HTRA4: variants seen among roughly 807,000 people sequenced by gnomAD.
HTRA4 encodes HtrA serine peptidase 4.
HTRA4 carries 46 observed loss-of-function variants against 49.1 expected under a neutral mutation model. The ratio of observed to expected loss-of-function variants is 0.94; its 90% confidence interval spans 0.74 to 1.20. The LOEUF (loss-of-function observed/expected upper bound fraction) is 1.20. HTRA4 is among the 50% of genes most tolerant of loss of function. The pLI, the probability that HTRA4 is intolerant of heterozygous loss-of-function variation, is 0.00. For missense variants in HTRA4, 602 were observed against 636.9 expected (o/e 0.95, Z 0.59); for synonymous variants, 261 against 264.0 (o/e 0.99, Z 0.11).
chr8:38,981,564 C>A, intron 5 of HTRA4, 89 bp from the exon 6 acceptor site: 1 of 851,036 alleles, frequency 1.2e-6, no homozygotes, highest in Non-Finnish European at 2.0e-6. Context: ...CCCTAAGTAA[C>A]TAGCTTCACT....
At chr8:38,980,476 C>T (rs1835404751) in intron 5 of HTRA4, among the ~76,000 whole-genome samples, 3 of 151,752 alleles carry the variant, frequency 2.0e-5, no homozygotes, top group African/African-American at 7.3e-5. Flanking sequence ...TCCTGTAATC[C>T]CAGCACTTTG....
chr8:38,974,303 T>TGA lies in HTRA4; in HGVS notation c.41_42insAG (p.Cys14Ter), dbSNP rs1213154406. Residue 14 changes from cysteine to a stop codon, truncating the protein, a stop_gained and frameshift_variant, in exon 1 of 9, where the codon TGC (cysteine) becomes TGAGC (stop). Transcript: ENST00000302495. LOFTEE classifies it high-confidence loss of function. ...PQLRTAGLGRCLLPGLLLLLV... is the reference protein window; with the variant it reads ...PQLRTAGLGR ...GCTGCGGACCGCGGGGCTGGGACGATGCCTCCTGCCGGGGCTGCTGCTGCT... is the reference window on the plus strand; with the variant it reads ...GCTGCGGACCGCGGGGCTGGGACGATGAGCCTCCTGCCGGGGCTGCTGCTGCT... 1 of 1,612,502 alleles carries TGA rather than the reference T, an allele frequency of 6.2e-7. No homozygotes were observed. The highest frequency in any genetic ancestry group is 8.5e-7 in the Non-Finnish European group (1 of 1,179,586).
At position 38,987,977 on chromosome 8, in the gene HTRA4, G is replaced by A; in HGVS notation, c.1310G>A (p.Gly437Glu). 1 of 1,605,944 alleles carries A rather than the reference G, an allele frequency of 6.2e-7. No individual in the cohort carries two copies. Among genetic ancestry groups the A allele is most frequent in the Non-Finnish European group, 8.5e-7 (1 of 1,177,672 alleles). The change falls in exon 9 of 9, where the codon GGG becomes GAG. Residue 437 changes from glycine to glutamate, a missense_variant. Transcript: ENST00000302495. ...CACGATGTAATTGTCAACATAAATG[G>A]GAAACCTATTACTACTACAACTGAT... ...RDHDVIVNIN[G>E]KPITTTTDVV...
rs957388518 is a variant in HTRA4, at chr8:38,974,741, G to A, written c.466+12G>A. The stretch of plus-strand genomic sequence containing the variant: ...CTGCGGGGATACAGGTGAGCCGCGG[G>A]GGCGCGCGCCCTCGGAACACTTTCT... On this transcript the variant is annotated intron_variant, in intron 1 of 8. Coordinates refer to ENST00000302495, the MANE Select transcript of HTRA4 (RefSeq NM_153692.4). 2.0e-5 allele frequency: 28 copies of A among 1,418,008 alleles called. No homozygotes were observed. In the African/African-American group the frequency reaches 3.4e-4, roughly 17 times the overall value. The allele number at this position is 1,418,008 out of a possible 1,614,324, so 87.8% of individuals were successfully genotyped here.
chr8:38,978,856 A>G (rs564710152), intron 4 of HTRA4, among the ~76,000 whole-genome samples: 1 of 152,070 alleles, frequency 6.6e-6, no homozygotes, highest in Non-Finnish European at 1.5e-5. Flanking sequence ...TTAGCTGGGC[A>G]TGGTGGCGGG....
chr8:38,978,047 C>A lies in HTRA4; in HGVS notation c.866C>A (p.Thr289Lys). The A allele has an allele frequency of 6.2e-7, 1 of 1,614,090 alleles. No individual in the cohort carries two copies. The highest frequency in any genetic ancestry group is 8.5e-7 in the Non-Finnish European group (1 of 1,179,984). ...ALGSPFSLQN[T>K]ATAGIVSTKQ... ...GGCAGCCCATTTTCTCTGCAGAACA[C>A]AGCTACTGCAGGAATTGTCAGCACC... is the stretch of plus-strand genomic sequence containing the variant. Residue 289 changes from threonine (T) to lysine (K), a missense_variant, in exon 4 of 9, where the codon ACA (threonine) becomes AAA (lysine). Physicochemically the swap from Thr to Lys is moderately conservative, Grantham distance 78. Coordinates refer to ENST00000302495, the MANE Select transcript of HTRA4 (RefSeq NM_153692.4).
chr8:38,984,176 T>G (rs1454723787), intron 8 of HTRA4, among the ~76,000 whole-genome samples: 2 of 151,900 alleles, frequency 1.3e-5, no homozygotes, highest in Non-Finnish European at 2.9e-5. Flanking sequence ...AATTGTTGTA[T>G]TTTTAGTAGA....
In HTRA4 at chr8:38,975,034, C is replaced by T. The variant is rs1411019846; in HGVS notation, c.470C>T (p.Thr157Ile). Residue 157 changes from threonine to isoleucine, a missense_variant, in exon 2 of 9, where the codon ACC becomes ATC. By Grantham distance (89) the Thr-to-Ile change is moderately conservative. Transcript: ENST00000302495. ...VQWGNCGDTG[T>I]RSAGPLRRNY... The stretch of plus-strand genomic sequence containing the variant: ...TTGAGCCAGTATTTTTTCATAGGGA[C>T]CAGAAGCGCAGGCCCGCTCAGGAGG... 3 of 1,614,032 alleles carry T rather than the reference C, an allele frequency of 1.9e-6. No homozygotes were observed. Among genetic ancestry groups the T allele is most frequent in the Non-Finnish European group, 2.5e-6 (3 of 1,180,006 alleles).
intron 7 of HTRA4, 37 bp from the exon 8 acceptor site, chr8:38,982,916 C>A (rs769106946): frequency 7.0e-7 from 1 of 1,429,888 alleles, no homozygotes; most frequent in Non-Finnish European, 9.8e-7. Flanking sequence ...GCTCAGGAGA[C>A]TAATTCATTG....
intron 5 of HTRA4, 29 bp from the exon 6 acceptor site, chr8:38,981,624 T>C (rs371018578): frequency 4.5e-5 from 69 of 1,549,548 alleles, no homozygotes; most frequent in African/African-American, 8.2e-5. Context: ...CAAAACTTCA[T>C]GACTGAATGA....
At chr8:38,979,958 G>A (rs1004699003) in intron 5 of HTRA4, among the ~76,000 whole-genome samples, 8 of 152,188 alleles carry the variant, frequency 5.3e-5, no homozygotes, top group African/African-American at 1.9e-4. Flanking sequence ...CATCTGTCCA[G>A]GTTTTTAGTC....
In HTRA4 at chr8:38,988,655, G is replaced by T. The variant is rs566559649; in HGVS notation, c.*557G>T. On this transcript the variant is annotated 3_prime_UTR_variant, in exon 9 of 9. Coordinates refer to ENST00000302495, the MANE Select transcript of HTRA4 (RefSeq NM_153692.4). ...CAGAACTTAAAAATAAAAATAAAAAGAAAAATGGTAATGTTGTGAGATTAC... is the reference window on the plus strand; with the variant it reads ...CAGAACTTAAAAATAAAAATAAAAATAAAAATGGTAATGTTGTGAGATTAC... 13 of 151,706 alleles carry T rather than the reference G, an allele frequency of 8.6e-5. No homozygotes were observed. The highest frequency in any genetic ancestry group is 1.9e-4 in the African/African-American group (8 of 41,256). The allele number at this position is 151,706 out of a possible 1,614,324, so 9.4% of individuals were successfully genotyped here.
chr8:38,979,474 A>T (rs1238146465), intron 5 of HTRA4, among the ~76,000 whole-genome samples: 1 of 152,046 alleles, frequency 6.6e-6, no homozygotes, highest in Non-Finnish European at 1.5e-5. Context: ...CTTGGGTGCC[A>T]CTCTTGTGTA....
rs146242051 is a variant in HTRA4 at position 38,975,088 on chromosome 8, A to T, written c.524A>T (p.Glu175Val). The change falls in exon 2 of 9, where the codon GAG becomes GTG. Residue 175 changes from glutamate (E) to valine (V), a missense_variant. By Grantham distance (121) the Glu-to-Val change is moderately radical. Transcript: ENST00000302495. The stretch of plus-strand genomic sequence containing the variant: ...TACAACTTCATCGCCGCGGTGGTGG[A>T]GAAGGTGGCGCCATCGGTGGTTCAC... ...RNYNFIAAVV[E>V]KVAPSVVHVQ... The T allele has an allele frequency of 3.8e-4, 614 of 1,613,894 alleles. 4 individuals are homozygous for T. In the East Asian group the frequency reaches 0.013, roughly 34 times the overall value.
At position 38,987,488 on chromosome 8, in the gene HTRA4, G is replaced by A. The variant is rs539811349; in HGVS notation, c.1269-448G>A. On this transcript the variant is annotated intron_variant, in intron 8 of 8. Transcript: ENST00000302495. ...CTGGGGCGGGGGGGTGGGGTGGGGT[G>A]GGAAAGACAGGCAAGTGAGTGGGCT... 5.1e-4 allele frequency among the ~76,000 whole-genome samples: 77 copies of A among 151,304 alleles called. 1 individual carries two copies. Among genetic ancestry groups the A allele is most frequent in the African/African-American group, 1.8e-3 (75 of 41,136 alleles).
chr8:38,985,381 C>T (rs1835472069), intron 8 of HTRA4, among the ~76,000 whole-genome samples: 1 of 152,106 alleles, frequency 6.6e-6, no homozygotes, highest in Non-Finnish European at 1.5e-5. Context: ...GGATGGTATC[C>T]ATCTCTTGAC....
At chr8:38,978,207 G>A in intron 4 of HTRA4, 60 bp downstream of exon 4, 4 of 1,444,018 alleles carry the variant, frequency 2.8e-6, no homozygotes, top group African/African-American at 1.4e-5. Context: ...CAGGTCCATG[G>A]CCTGTTAGGA....
In HTRA4 at chr8:38,978,025, A is replaced by C. The variant is rs1442223235; in HGVS notation, c.844A>C (p.Ser282Arg). The change falls in exon 4 of 9, where the codon AGC (serine) becomes CGC (arginine). Residue 282 changes from serine (S) to arginine (R), a missense_variant. Physicochemically the swap from Ser to Arg is moderately radical, Grantham distance 110. Coordinates refer to ENST00000302495, the MANE Select transcript of HTRA4 (RefSeq NM_153692.4). ...TGGAGAGTTTGTGGTGGCTTTGGGC[A>C]GCCCATTTTCTCTGCAGAACACAGC... ...RAGEFVVALG[S>R]PFSLQNTATA... The C allele has an allele frequency of 6.2e-7, 1 of 1,614,060 alleles. No homozygotes were observed. The highest frequency in any genetic ancestry group is 2.2e-5 in the East Asian group (1 of 44,902).
At chr8:38,980,748 G>GAA (rs199849399) in intron 5 of HTRA4, among the ~76,000 whole-genome samples, 26 of 145,198 alleles carry the variant, frequency 1.8e-4, no homozygotes, top group East Asian at 4.0e-4. Flanking sequence ...AAAAAGAAAA[G>GAA]AAAAAAAAAA....
Sources: allele counts gnomAD v4.1 joint callset (sites outside exome capture counted in the v4.1 genomes callset), GRCh38; gene constraint gnomAD v4.1.1; transcripts MANE v1.5; gene names NCBI Gene and HGNC (gene_info 2026-07-23, HGNC 2026-07-21).